Variants in UGT1A10 observed in about 807,000 individuals in gnomAD.
UGT1A10 encodes the protein UDP-glucuronosyltransferase 1A10.
In UGT1A10, 49 loss-of-function variants were observed where a neutral mutation model predicts 45.8. That is an observed-to-expected ratio of 1.07 (90% CI 0.85 to 1.36). The LOEUF (loss-of-function observed/expected upper bound fraction) is 1.36. UGT1A10 is among the 40% of genes most tolerant of loss of function. The pLI, the probability that UGT1A10 is intolerant of heterozygous loss-of-function variation, is 0.00. For missense variants in UGT1A10, 745 were observed against 668.6 expected (o/e 1.11, Z -1.26); for synonymous variants, 284 against 249.7 (o/e 1.14, Z -1.29).
intron 1 of UGT1A10, chr2:233,693,537 T>G: frequency 6.2e-7 from 1 of 1,614,218 alleles, no homozygotes; most frequent in Non-Finnish European, 8.5e-7. Flanking sequence ...CCGTGTTCCC[T>G]GGAGCATACA....
chr2:233,753,194 G>GCCCT (rs1307613617), intron 1 of UGT1A10: 1 of 152,080 alleles, frequency 6.6e-6, no homozygotes, highest in Non-Finnish European at 1.5e-5. Context: ...TTTTTCAAAA[G>GCCCT]CCCTGACAGT....
At chr2:233,751,766 T>C (rs1221820452) in intron 1 of UGT1A10, among the ~76,000 whole-genome samples, 2 of 152,224 alleles carry the variant, frequency 1.3e-5, no homozygotes, top group Non-Finnish European at 2.9e-5. Context: ...ATGTGAGACA[T>C]GACTTTGCTT....
intron 1 of UGT1A10, among the ~76,000 whole-genome samples, chr2:233,727,909 C>T (rs1033821575): frequency 6.6e-6 from 1 of 152,200 alleles, no homozygotes; most frequent in Non-Finnish European, 1.5e-5. Context: ...CAAGAAGACA[C>T]AGGGGCAGTG....
At chr2:233,768,583 T>C (rs2538830) in intron 4 of UGT1A10, 144 bp downstream of exon 4, 1 of 47,932 alleles carries the variant, frequency 2.1e-5, no homozygotes, top group Non-Finnish European at 2.6e-5. Flanking sequence ...TTATTTCTTC[T>C]TTTTTTTTTT....
chr2:233,729,091 G>C (rs745755811), intron 1 of UGT1A10: 70 of 1,612,484 alleles, frequency 4.3e-5, no homozygotes, highest in Non-Finnish European at 5.1e-5. Flanking sequence ...GGCACAGCGT[G>C]GGGTGGACAG....
Position 233,756,099 on chromosome 2 carries a change from C to T in UGT1A10, c.856-10935C>T, listed in dbSNP as rs117664856. ...ATGAGAAAATCAAGTAACATTATTACGGAAATAGTTTTGACTTTGTAAAAT... is the reference window on the plus strand; with the variant it reads ...ATGAGAAAATCAAGTAACATTATTATGGAAATAGTTTTGACTTTGTAAAAT... On this transcript the variant is annotated intron_variant, in intron 1 of 4. Coordinates refer to ENST00000344644, the MANE Select transcript of UGT1A10 (RefSeq NM_019075.4). 23 of 152,310 alleles carry T rather than the reference C, an allele frequency of 1.5e-4. 1 individual carries two copies. In the East Asian group the frequency reaches 4.0e-3, roughly 27 times the overall value. 9.4% of individuals were successfully genotyped at this position (152,310 alleles called of 1,614,324 possible). A position where few individuals can be genotyped will look rare whatever the true frequency, so the allele number is the denominator to read the frequency against.
intron 1 of UGT1A10, among the ~76,000 whole-genome samples, chr2:233,702,348 A>T (rs2075682306): frequency 6.6e-6 from 1 of 152,082 alleles, no homozygotes; most frequent in Non-Finnish European, 1.5e-5. Flanking sequence ...TTGTTCTAAT[A>T]GTTTTTTTTT....
At position 233,743,506 on chromosome 2, in the gene UGT1A10, G is replaced by A. The variant is rs185061073; in HGVS notation, c.856-23528G>A. ...ACTGAAGGCAGAGAAAAGGGGTGCA[G>A]ACGCTCTGCTTCTGCTTCCCCAGCA... On this transcript the variant is annotated intron_variant, in intron 1 of 4. Transcript: ENST00000344644. 5.9e-6 allele frequency: 8 copies of A among 1,367,240 alleles called. No individual in the cohort carries two copies. The Admixed American group carries it at 1.1e-4, about 20-fold the overall frequency. The allele number at this position is 1,367,240 out of a possible 1,614,324, so 84.7% of individuals were successfully genotyped here. A position where few individuals can be genotyped will look rare whatever the true frequency, so the allele number is the denominator to read the frequency against.
intron 1 of UGT1A10, among the ~76,000 whole-genome samples, chr2:233,744,769 C>T (rs1692917146): frequency 6.6e-6 from 1 of 151,856 alleles, no homozygotes; most frequent in Non-Finnish European, 1.5e-5. Flanking sequence ...TTTAACTTTG[C>T]AAAATTCTCC....
rs28900395 is a variant in UGT1A10 at position 233,758,981 on chromosome 2, G to A, written c.856-8053G>A. ...CAAATGCCTTTCCCCTGGATCTTGGGCCAGTGGAATGAGTACAATTTAACT... is the reference window on the plus strand; with the variant it reads ...CAAATGCCTTTCCCCTGGATCTTGGACCAGTGGAATGAGTACAATTTAACT... On this transcript the variant is annotated intron_variant, in intron 1 of 4. Transcript: ENST00000344644. 1.8e-4 allele frequency among the ~76,000 whole-genome samples: 28 copies of A among 152,260 alleles called. No homozygotes were observed. The East Asian group carries it at 5.2e-3, about 28-fold the overall frequency.
At chr2:233,736,459 C>T (rs1461778368) in intron 1 of UGT1A10, among the ~76,000 whole-genome samples, 1 of 152,202 alleles carries the variant, frequency 6.6e-6, no homozygotes, top group African/African-American at 2.4e-5. Flanking sequence ...TTCGAACATG[C>T]ACTTTTAGCT....
At chr2:233,768,049 C>A in intron 3 of UGT1A10, 113 bp downstream of exon 3, 1 of 1,606,778 alleles carries the variant, frequency 6.2e-7, no homozygotes, top group Non-Finnish European at 8.5e-7. Flanking sequence ...GCCAACATAT[C>A]CTACATTGCT....
chr2:233,759,342 C>T (rs1337999825), intron 1 of UGT1A10, among the ~76,000 whole-genome samples: 5 of 152,112 alleles, frequency 3.3e-5, no homozygotes, highest in African/African-American at 9.7e-5. Flanking sequence ...TTCAGGTGAG[C>T]GCTGAAAATC....
intron 1 of UGT1A10, among the ~76,000 whole-genome samples, chr2:233,740,447 G>A (rs1691391497): frequency 6.6e-6 from 1 of 151,994 alleles, no homozygotes; most frequent in African/African-American, 2.4e-5. Context: ...GGAATCAGAG[G>A]AGAAGAAGAT....
At chr2:233,755,393 A>C in intron 1 of UGT1A10, 1 of 341,520 alleles carries the variant, frequency 2.9e-6, no homozygotes, top group South Asian at 2.4e-5. Context: ...TGACGCAGCC[A>C]CATCTCATTG....
intron 1 of UGT1A10, chr2:233,722,133 T>G (rs1336404223): frequency 5.8e-6 from 1 of 172,564 alleles, no homozygotes; most frequent in Non-Finnish European, 1.2e-5. Flanking sequence ...TAGTAGAGTT[T>G]AAGACTCCTG....
chr2:233,768,519 G>A, intron 4 of UGT1A10, 80 bp downstream of exon 4: 2 of 1,531,284 alleles, frequency 1.3e-6, no homozygotes, highest in Non-Finnish European at 1.8e-6. Flanking sequence ...CATTTACGTA[G>A]CATTTAATAG....
At chr2:233,680,129 C>G (rs989964167) in intron 1 of UGT1A10, among the ~76,000 whole-genome samples, 1 of 152,090 alleles carries the variant, frequency 6.6e-6, no homozygotes, top group Non-Finnish European at 1.5e-5. Flanking sequence ...CGGTACCTAT[C>G]AAGTAATTCA....
intron 1 of UGT1A10, among the ~76,000 whole-genome samples, chr2:233,646,331 G>A (rs1338149983): frequency 1.3e-5 from 2 of 151,816 alleles, no homozygotes; most frequent in Non-Finnish European, 2.9e-5. Flanking sequence ...TTTTCCCCAT[G>A]GTTTTGGGGA....
Sources: gnomAD v4.1 joint callset for allele counts (sites outside exome capture counted in the v4.1 genomes callset) on GRCh38, gnomAD v4.1.1 for gene constraint, MANE v1.5 for transcripts, NCBI Gene and HGNC (gene_info 2026-07-23, HGNC 2026-07-21) for gene names.